Variants in SLX9 observed in about 807,000 individuals in gnomAD.
The protein encoded by SLX9 is SLX9 ribosome biogenesis factor.
In SLX9, 19 loss-of-function variants were observed where a neutral mutation model predicts 20.8. The ratio of observed to expected loss-of-function variants is 0.91; its 90% CI spans 0.64 to 1.34. SLX9 has a LOEUF of 1.34. SLX9 is among the 40% of genes most tolerant of loss of function. The pLI, the probability that SLX9 is intolerant of heterozygous loss-of-function variation, is 0.00. For synonymous variants in SLX9, 113 were observed against 137.1 expected (o/e 0.82, Z 1.23); for missense variants, 299 against 322.2 (o/e 0.93, Z 0.55).
chr21:44,967,840 C>A (rs1318431127), intron 4 of SLX9, among the ~76,000 whole-genome samples: 1 of 152,190 alleles, frequency 6.6e-6, no homozygotes, highest in East Asian at 1.9e-4. Context: ...AGGGACGGGG[C>A]CTGATGTGAG....
At chr21:44,963,398 C>T (rs1469573541) in intron 3 of SLX9, among the ~76,000 whole-genome samples, 8 of 145,630 alleles carry the variant, frequency 5.5e-5, no homozygotes, top group South Asian at 2.2e-4. Context: ...TTTAAATAAA[C>T]GAGAGTTTAA....
At chr21:44,955,222 A>G (rs1268198584) in intron 2 of SLX9, among the ~76,000 whole-genome samples, 2 of 149,758 alleles carry the variant, frequency 1.3e-5, no homozygotes, top group East Asian at 3.9e-4. Context: ...AAAAAAAAAA[A>G]GAAGTAAGAA....
Position 44,943,784 on chromosome 21 carries a change from T to C in SLX9, c.230T>C (p.Val77Ala). The change falls in exon 2 of 6, where the codon GTC becomes GCC. Residue 77 changes from valine to alanine, a missense_variant. Val to Ala is a moderately conservative substitution (Grantham distance 64). Transcript: ENST00000291634. ...LELDVRSVTS[V>A]RRGEAGSSAR... ...CTGGACGTGAGGAGTGTCACTTCCG[T>C]CAGGAGAGGTGAGGCAGGCTCGAGT... The C allele has an allele frequency of 6.2e-7, 1 of 1,613,038 alleles. No homozygotes were observed. The highest frequency in any genetic ancestry group is 8.5e-7 in the Non-Finnish European group (1 of 1,179,930).
chr21:44,973,102 C>G (rs530619541), intron 4 of SLX9, 95 bp from the exon 5 acceptor site: 2 of 1,395,334 alleles, frequency 1.4e-6, no homozygotes, highest in East Asian at 4.6e-5. Context: ...GCCACCACGA[C>G]GTCTGCTCTA....
intron 2 of SLX9, among the ~76,000 whole-genome samples, chr21:44,954,935 C>T (rs895601396): frequency 2.0e-5 from 3 of 152,100 alleles, no homozygotes; most frequent in East Asian, 1.9e-4. Context: ...AGGAAGAGGC[C>T]GGGGACGGTG....
At chr21:44,939,805 C>G, upstream of SLX9, 1 of 558,576 alleles carries the variant, frequency 1.8e-6, no homozygotes, top group Non-Finnish European at 3.3e-6. Flanking sequence ...CCCCCACGAT[C>G]TAGACAGAAA....
intron 4 of SLX9, among the ~76,000 whole-genome samples, chr21:44,972,057 A>G (rs904781305): frequency 6.6e-6 from 1 of 152,200 alleles, no homozygotes; most frequent in Admixed American, 6.5e-5. Context: ...GGGCAGACAC[A>G]AAATGTCTGT....
At chr21:44,961,056 C>T (rs2084942268) in intron 3 of SLX9, among the ~76,000 whole-genome samples, 1 of 152,140 alleles carries the variant, frequency 6.6e-6, no homozygotes, top group African/African-American at 2.4e-5. Context: ...TTTATGGTTT[C>T]TATCCCTTTT....
At chr21:44,963,210 T>G (rs2084976031) in intron 3 of SLX9, among the ~76,000 whole-genome samples, 1 of 151,928 alleles carries the variant, frequency 6.6e-6, no homozygotes, top group Non-Finnish European at 1.5e-5. Flanking sequence ...TGCCTCAGCC[T>G]TCTGAGTAGC....
intron 1 of SLX9, among the ~76,000 whole-genome samples, chr21:44,941,104 C>T (rs1228483840): frequency 6.9e-6 from 1 of 144,984 alleles, no homozygotes; most frequent in South Asian, 2.1e-4. Flanking sequence ...TTAAAAAATA[C>T]TCTTTACTGA....
chr21:44,959,368 A>G (rs531680216), intron 2 of SLX9: 6 of 596,938 alleles, frequency 1.0e-5, no homozygotes, highest in Non-Finnish European at 1.3e-5. Context: ...CCTTGAGTCC[A>G]CTCTGTTTCA....
At chr21:44,959,396 A>G (rs2084913950) in intron 2 of SLX9, 1 of 324,112 alleles carries the variant, frequency 3.1e-6, no homozygotes, top group South Asian at 1.2e-4. Context: ...CTGGAGTCAG[A>G]GACGCAGCAC....
At chr21:44,941,152 G>C (rs1379753422) in intron 1 of SLX9, among the ~76,000 whole-genome samples, 1 of 151,958 alleles carries the variant, frequency 6.6e-6, no homozygotes, top group Non-Finnish European at 1.5e-5. Flanking sequence ...TTATACCTTC[G>C]TTTAGTTCTT....
At chr21:44,942,766 A>T (rs2084571877) in intron 1 of SLX9, among the ~76,000 whole-genome samples, 1 of 152,104 alleles carries the variant, frequency 6.6e-6, no homozygotes, top group Admixed American at 6.6e-5. Flanking sequence ...GGTTGTGGAA[A>T]ACTAAACCAC....
intron 2 of SLX9, among the ~76,000 whole-genome samples, chr21:44,958,678 C>T (rs1266847253): frequency 3.3e-5 from 5 of 152,234 alleles, no homozygotes; most frequent in Admixed American, 1.3e-4. Flanking sequence ...GCCTTGGGCC[C>T]GGAAAGCGGC....
At chr21:44,971,441 G>A (rs894402061) in intron 4 of SLX9, among the ~76,000 whole-genome samples, 2 of 152,148 alleles carry the variant, frequency 1.3e-5, no homozygotes, top group African/African-American at 4.8e-5. Flanking sequence ...CGTGGGTGGG[G>A]GACGGTCCCC....
chr21:44,965,275 T>G (rs1196303509), intron 3 of SLX9, among the ~76,000 whole-genome samples: 1 of 152,106 alleles, frequency 6.6e-6, no homozygotes, highest in East Asian at 1.9e-4. Context: ...GAAGCTGGTG[T>G]TTGTGTGGGA....
At chr21:44,973,112 A>G in intron 4 of SLX9, 85 bp from the exon 5 acceptor site, 2 of 1,495,152 alleles carry the variant, frequency 1.3e-6, no homozygotes, top group Non-Finnish European at 1.9e-6. Flanking sequence ...CGTCTGCTCT[A>G]AGAAGGGAGG....
intron 2 of SLX9, among the ~76,000 whole-genome samples, chr21:44,947,370 A>G (rs1368011850): frequency 6.6e-6 from 1 of 152,158 alleles, no homozygotes; most frequent in Non-Finnish European, 1.5e-5. Context: ...CAGGAATAGC[A>G]CTGCATGCTG....
Sources: allele counts gnomAD v4.1 joint callset (sites outside exome capture counted in the v4.1 genomes callset), GRCh38; gene constraint gnomAD v4.1.1; transcripts MANE v1.5; gene names NCBI Gene and HGNC (gene_info 2026-07-23, HGNC 2026-07-21).